SLITRK5: variants seen among roughly 807,000 people sequenced by gnomAD.
The protein encoded by SLITRK5 is SLIT and NTRK-like protein 5.
In SLITRK5, 23 loss-of-function variants were observed where a neutral mutation model predicts 56.2. The ratio of observed to expected loss-of-function variants is 0.41; its 90% confidence interval spans 0.29 to 0.58. The LOEUF is 0.58. SLITRK5 is among the 20% of genes least tolerant of loss of function. The pLI is 0.30. For synonymous variants in SLITRK5, 637 were observed against 531.8 expected, an observed-to-expected ratio of 1.20 and a Z score of -2.72; for missense variants, 1,289 against 1,226.6, an observed-to-expected ratio of 1.05 and a Z score of -0.76.
In SLITRK5 at chr13:87,677,772, A is replaced by C. The variant is rs746014556; in HGVS notation, c.2384A>C (p.Gln795Pro). ...TYSSNHHLQQ[Q>P]QQPPPPPQQP... The stretch of plus-strand genomic sequence containing the variant: ...AGCAGCAACCACCACCTGCAGCAGC[A>C]GCAGCAGCCGCCGCCGCCACCGCAG... The change falls in exon 2 of 2, where the codon CAG becomes CCG. Residue 795 changes from glutamine (Q) to proline (P), a missense_variant. This residue lies in a region of SLITRK5 where 985 missense variants were observed against 906.0 expected (regional missense o/e 1.09). Transcript: ENST00000683689. The surrounding 1 kb of genome is among the most constrained non-coding windows in gnomAD (Gnocchi z 4.7). 6.2e-7 allele frequency: 1 copy of C among 1,610,420 alleles called. No individual in the cohort carries two copies. The highest frequency in any genetic ancestry group is 1.1e-5 in the South Asian group (1 of 91,046).
chr13:87,678,070 C>A lies in SLITRK5; in HGVS notation c.2682C>A (p.Asp894Glu). Residue 894 changes from aspartate to glutamate, a missense_variant, in exon 2 of 2, where the codon GAC becomes GAA. Transcript: ENST00000683689. ...CTTACACTTTCTCCCCCAACTATGA[C>A]CTGAGACGCCCCCATCAGTATTTGC... is the stretch of plus-strand genomic sequence containing the variant. Reference protein sequence around the residue: ...PAAYTFSPNYDLRRPHQYLHP... With the variant: ...PAAYTFSPNYELRRPHQYLHP... 3 of 1,614,184 alleles carry A rather than the reference C, an allele frequency of 1.9e-6. No homozygotes were observed. The highest frequency in any genetic ancestry group is 2.5e-6 in the Non-Finnish European group (3 of 1,179,992).
In SLITRK5 at chr13:87,678,336, T is replaced by A. The variant is rs1225344930; in HGVS notation, c.*71T>A. ...CAAGCAGACACACACAGTGAACACA[T>A]TTGATTAATTGTGTTGTTTCAACGT... On this transcript the variant is annotated 3_prime_UTR_variant, in exon 2 of 2. Transcript: ENST00000683689. The A allele has an allele frequency of 1.4e-5, 19 of 1,354,954 alleles. No homozygotes were observed. The highest frequency in any genetic ancestry group is 1.8e-5 in the Non-Finnish European group (18 of 982,492). The allele number at this position is 1,354,954 out of a possible 1,614,324, so 83.9% of individuals were successfully genotyped here.
intron 1 of SLITRK5, among the ~76,000 whole-genome samples, chr13:87,674,801 C>T (rs1031058849): frequency 6.6e-6 from 1 of 152,120 alleles, no homozygotes; most frequent in African/African-American, 2.4e-5. Context: ...CATTATATTA[C>T]AGCCTTTTTG....
intron 1 of SLITRK5, chr13:87,672,947 C>T (rs1177473509): frequency 6.3e-6 from 1 of 159,804 alleles, no homozygotes; most frequent in Non-Finnish European, 1.3e-5. Context: ...CTCCTCCCTC[C>T]CCTTCTTCCT....
rs139398318 is a variant in SLITRK5, at chr13:87,675,904, T to G, written c.516T>G (p.Ala172=). 6.2e-7 allele frequency: 1 copy of G among 1,614,178 alleles called. No homozygotes were observed. Among genetic ancestry groups the G allele is most frequent in the Non-Finnish European group, 8.5e-7 (1 of 1,180,050 alleles). The part of the protein sequence containing the change: ...YNYISVIEPN[A]FGKLHLLQVL... ...ACATCAGCGTCATTGAACCCAATGC[T>G]TTTGGGAAACTGCATTTGTTGCAGG... Residue 172 remains alanine (A), a synonymous_variant, in exon 2 of 2, where the codon GCT becomes GCG. Coordinates refer to ENST00000683689, the MANE Select transcript of SLITRK5 (RefSeq NM_001384609.1).
At position 87,679,018 on chromosome 13, in the gene SLITRK5, A is replaced by G. The variant is rs984103410; in HGVS notation, c.*753A>G. On this transcript the variant is annotated 3_prime_UTR_variant, in exon 2 of 2. Coordinates refer to ENST00000683689, the MANE Select transcript of SLITRK5 (RefSeq NM_001384609.1). ...ACCTATTTTTATATGCACATTTAGC[A>G]TTCCTCTTTCCTTCACTATTTAGCC... The G allele has an allele frequency of 6.0e-5, 10 of 166,930 alleles. No individual in the cohort carries two copies. Among genetic ancestry groups the G allele is most frequent in the Non-Finnish European group, 1.3e-4 (9 of 68,122 alleles). 10.3% of individuals were successfully genotyped at this position (166,930 alleles called of 1,614,324 possible). A position where few individuals can be genotyped will look rare whatever the true frequency, so the allele number is the denominator to read the frequency against.
rs765392283 is a variant in SLITRK5 at position 87,677,630 on chromosome 13, G to C, written c.2242G>C (p.Val748Leu). 6.2e-7 allele frequency: 1 copy of C among 1,609,214 alleles called. No homozygotes were observed. The highest frequency in any genetic ancestry group is 8.5e-7 in the Non-Finnish European group (1 of 1,176,482). ...LPKVKTPAGH[V>L]YEYIPHPLGH... Reference sequence around the variant, plus strand: ...CAAGGTGAAGACGCCCGCGGGCCACGTGTATGAATACATCCCCCACCCACT... The same window carrying C: ...CAAGGTGAAGACGCCCGCGGGCCACCTGTATGAATACATCCCCCACCCACT... Residue 748 changes from valine to leucine, a missense_variant, in exon 2 of 2, where the codon GTG becomes CTG. Transcript: ENST00000683689. The surrounding 1 kb of genome is among the most constrained non-coding windows in gnomAD (Gnocchi z 4.7).
rs1270104459 is a variant in SLITRK5, at chr13:87,674,285, A to G, written c.-8-1096A>G. On this transcript the variant is annotated intron_variant, in intron 1 of 1. Transcript: ENST00000683689. ...GCGTCCTTTCCCTGAGATTAAAAAA[A>G]AGAGAGAGGGGAGCGTTAACAATTA... The G allele has an allele frequency of 5.2e-6, 3 of 574,034 alleles. No individual in the cohort carries two copies. In the East Asian group the frequency reaches 4.3e-4, roughly 83 times the overall value. The allele number at this position is 574,034 out of a possible 1,614,324, so 35.6% of individuals were successfully genotyped here.
At chr13:87,673,762 G>A (rs1302804693) in intron 1 of SLITRK5, among the ~76,000 whole-genome samples, 2 of 152,108 alleles carry the variant, frequency 1.3e-5, no homozygotes, top group Non-Finnish European at 2.9e-5. Flanking sequence ...GCGTTTGAAT[G>A]CAGGGGCGTT....
Position 87,677,557 on chromosome 13 carries a change from G to A in SLITRK5, c.2169G>A (p.Thr723=). 1.2e-6 allele frequency: 2 copies of A among 1,608,486 alleles called. No homozygotes were observed. The highest frequency in any genetic ancestry group is 1.7e-6 in the Non-Finnish European group (2 of 1,176,656). ...QYSVYGGGGG[T]GGHPHAHVHH... is the part of the protein sequence containing the mutation. ...GCGTGTACGGCGGCGGCGGCGGCACGGGCGGCCACCCACACGCGCACGTGC... is the reference window on the plus strand; with the variant it reads ...GCGTGTACGGCGGCGGCGGCGGCACAGGCGGCCACCCACACGCGCACGTGC... Residue 723 remains threonine (T), a synonymous_variant, in exon 2 of 2, where the codon ACG becomes ACA. Coordinates refer to ENST00000683689, the MANE Select transcript of SLITRK5 (RefSeq NM_001384609.1). The surrounding 1 kb of genome is among the most constrained non-coding windows in gnomAD (Gnocchi z 4.7).
At chr13:87,675,186 C>T (rs996077344) in intron 1 of SLITRK5, among the ~76,000 whole-genome samples, 195 bp from the exon 2 acceptor site, 1 of 152,030 alleles carries the variant, frequency 6.6e-6, no homozygotes, top group Non-Finnish European at 1.5e-5. Context: ...AATTAATCAA[C>T]CTTTAAATCA....
chr13:87,677,122 G>A lies in SLITRK5; in HGVS notation c.1734G>A (p.Val578=), dbSNP rs1292684014. ...TCDIVGMKLW[V]EQLKVGVLVD... ...ACATTGTGGGCATGAAGCTGTGGGT[G>A]GAGCAGCTCAAAGTGGGCGTCCTAG... The change falls in exon 2 of 2, where the codon GTG becomes GTA. Residue 578 remains valine, a synonymous_variant. Transcript: ENST00000683689. The surrounding 1 kb of genome is among the most constrained non-coding windows in gnomAD (Gnocchi z 4.7). 6.2e-7 allele frequency: 1 copy of A among 1,614,152 alleles called. No homozygotes were observed. Among genetic ancestry groups the A allele is most frequent in the Admixed American group, 1.7e-5 (1 of 60,022 alleles).
At position 87,677,271 on chromosome 13, in the gene SLITRK5, T is replaced by A. The variant is rs1372077853; in HGVS notation, c.1883T>A (p.Ile628Asn). 2.5e-6 allele frequency: 4 copies of A among 1,613,992 alleles called. No individual in the cohort carries two copies. The highest frequency in any genetic ancestry group is 3.4e-6 in the Non-Finnish European group (4 of 1,180,022). The part of the protein sequence containing the change: ...VVVSTPTPSS[I>N]QVPARTSAVT... ...GTTTCCACGCCCACACCCTCCTCTA[T>A]CCAGGTCCCTGCGAGGACCAGCGCC... The change falls in exon 2 of 2, where the codon ATC (isoleucine) becomes AAC (asparagine). Residue 628 changes from isoleucine (I) to asparagine (N), a missense_variant. Transcript: ENST00000683689. This position sits in a 1 kb window ranked among gnomAD's most constrained non-coding sequence, Gnocchi z 4.7.
chr13:87,678,008 C>G lies in SLITRK5; in HGVS notation c.2620C>G (p.Leu874Val). 1.2e-6 allele frequency: 2 copies of G among 1,614,168 alleles called. No individual in the cohort carries two copies. Among genetic ancestry groups the G allele is most frequent in the Non-Finnish European group, 1.7e-6 (2 of 1,180,002 alleles). ...CTCCACCACCCCCGCCGGCAATAGC[C>G]TCCCGGAATATCCCAAATTCCCGTG... The part of the protein sequence containing the change: ...HCSTTPAGNS[L>V]PEYPKFPCSP... Residue 874 changes from leucine to valine, a missense_variant, in exon 2 of 2, where the codon CTC (leucine) becomes GTC (valine). Transcript: ENST00000683689.
At position 87,677,301 on chromosome 13, in the gene SLITRK5, C is replaced by T; in HGVS notation, c.1913C>T (p.Thr638Ile). ...IQVPARTSAV[T>I]PAVRLNSTGA... is the part of the protein sequence containing the mutation. ...GTCCCTGCGAGGACCAGCGCCGTGA[C>T]TCCTGCGGTCCGGTTGAATAGCACC... The change falls in exon 2 of 2, where the codon ACT becomes ATT. Residue 638 changes from threonine (T) to isoleucine (I), a missense_variant. Thr to Ile is a moderately conservative substitution (Grantham distance 89, BLOSUM62 -1). This residue lies in a region of SLITRK5 where 985 missense variants were observed against 906.0 expected (regional missense o/e 1.09). Transcript: ENST00000683689. This position sits in a 1 kb window ranked among gnomAD's most constrained non-coding sequence, Gnocchi z 4.7. 6.2e-7 allele frequency: 1 copy of T among 1,614,200 alleles called. No individual in the cohort carries two copies.
Position 87,676,066 on chromosome 13 carries a change from A to C in SLITRK5, c.678A>C (p.Lys226Asn), listed in dbSNP as rs1877261417. ...PYVGLLQHMD[K>N]VVELQLEENP... ...TGGGGCTCTTGCAGCACATGGATAA[A>C]GTTGTGGAGCTACAGCTGGAGGAAA... The change falls in exon 2 of 2, where the codon AAA becomes AAC. Residue 226 changes from lysine (K) to asparagine (N), a missense_variant. Physicochemically the swap from Lys to Asn is moderately conservative, Grantham distance 94 (BLOSUM62 0). Transcript: ENST00000683689. The C allele has an allele frequency of 1.2e-6, 2 of 1,613,992 alleles. No homozygotes were observed. Among genetic ancestry groups the C allele is most frequent in the Non-Finnish European group, 1.7e-6 (2 of 1,180,046 alleles).
At chr13:87,674,348 A>G (rs1877178700) in intron 1 of SLITRK5, 2 of 977,172 alleles carry the variant, frequency 2.0e-6, no homozygotes, top group South Asian at 9.4e-5. Flanking sequence ...GATGCTGTCG[A>G]GGTGGTAGTT....
chr13:87,678,007 C>A lies in SLITRK5; in HGVS notation c.2619C>A (p.Ser873Arg), dbSNP rs1020051944. ...KHCSTTPAGN[S>R]LPEYPKFPCS... ...GCTCCACCACCCCCGCCGGCAATAG[C>A]CTCCCGGAATATCCCAAATTCCCGT... Residue 873 changes from serine (S) to arginine (R), a missense_variant, in exon 2 of 2, where the codon AGC (serine) becomes AGA (arginine). By Grantham distance (110) the Ser-to-Arg change is moderately radical (BLOSUM62 -1). Transcript: ENST00000683689. 6.2e-7 allele frequency: 1 copy of A among 1,614,144 alleles called. No homozygotes were observed. The highest frequency in any genetic ancestry group is 8.5e-7 in the Non-Finnish European group (1 of 1,179,992).
Position 87,675,652 on chromosome 13 carries a change from G to T in SLITRK5, c.264G>T (p.Leu88Phe). The T allele has an allele frequency of 6.2e-7, 1 of 1,614,086 alleles. No individual in the cohort carries two copies. The highest frequency in any genetic ancestry group is 8.5e-7 in the Non-Finnish European group (1 of 1,180,024). ...GTTTCCCAATCTACCACCTCTTGTT[G>T]TCCGGAAACCTTTTGAACCGTCTCT... ...PPRFPIYHLL[L>F]SGNLLNRLYP... is the part of the protein sequence containing the mutation. Residue 88 changes from leucine to phenylalanine, a missense_variant, in exon 2 of 2, where the codon TTG becomes TTT. By Grantham distance (22) the Leu-to-Phe change is conservative. Transcript: ENST00000683689.
Sources: gnomAD v4.1 joint callset for allele counts (sites outside exome capture counted in the v4.1 genomes callset) on GRCh38, gnomAD v4.1.1 for gene constraint, gnomAD v4.1.1 regional missense constraint, Gnocchi (gnomAD v3.1) non-coding constraint, MANE v1.5 for transcripts, NCBI Gene and HGNC (gene_info 2026-07-23, HGNC 2026-07-21) for gene names.